The following AOAH variants were observed in gnomAD, a reference collection of about 807,000 sequenced individuals.
AOAH encodes acyloxyacyl hydrolase.
In AOAH, 64 loss-of-function variants were observed where a neutral mutation model predicts 92.2. That is an observed-to-expected ratio of 0.69 (90% confidence interval 0.57 to 0.86). The LOEUF (loss-of-function observed/expected upper bound fraction) is 0.86. Among genes scored for constraint, AOAH ranks in the 40% least tolerant of loss-of-function variants. The pLI is 0.00. For synonymous variants in AOAH, 263 were observed against 254.5 expected, an observed-to-expected ratio of 1.03 and a Z score of -0.32; for missense variants, 656 against 694.6, an observed-to-expected ratio of 0.94 and a Z score of 0.62.
intron 11 of AOAH, among the ~76,000 whole-genome samples, chr7:36,608,215 T>TATC (rs1791146870): frequency 6.6e-6 from 1 of 152,226 alleles, no homozygotes; most frequent in Non-Finnish European, 1.5e-5. Context: ...CCTATCCAGT[T>TATC]ATCTTAGTGG....
rs66510584 is a variant in AOAH at position 36,518,187 on chromosome 7, C to CT, written c.1599+3851dup. 7.9e-5 allele frequency among the ~76,000 whole-genome samples: 12 copies of CT among 151,476 alleles called. No individual in the cohort carries two copies. The South Asian group carries it at 2.3e-3, about 29-fold the overall frequency. Reference sequence around the variant, plus strand: ...TTTCTGTGTCACTAAAGGTAGATCTCTTTTTTTTGTTTTGTTTTGTTTGTT... The same window carrying CT: ...TTTCTGTGTCACTAAAGGTAGATCTCTTTTTTTTTGTTTTGTTTTGTTTGTT... On this transcript the variant is annotated intron_variant, in intron 20 of 20. Coordinates refer to ENST00000617537, the MANE Select transcript of AOAH (RefSeq NM_001637.4).
chr7:36,650,290 T>C (rs1431058292), intron 4 of AOAH, among the ~76,000 whole-genome samples: 1 of 152,200 alleles, frequency 6.6e-6, no homozygotes, highest in Non-Finnish European at 1.5e-5. Flanking sequence ...TCTCTGTCTT[T>C]CTAAGAGGCC....
At chr7:36,662,826 G>A (rs1177873950) in intron 3 of AOAH, among the ~76,000 whole-genome samples, 1 of 152,126 alleles carries the variant, frequency 6.6e-6, no homozygotes, top group Non-Finnish European at 1.5e-5. Flanking sequence ...AGTAGAAGAG[G>A]GGAACTGGAC....
rs117348917 is a variant in AOAH at position 36,625,625 on chromosome 7, C to T, written c.522-2375G>A. On this transcript the variant is annotated intron_variant, in intron 6 of 20. Coordinates refer to ENST00000617537, the MANE Select transcript of AOAH (RefSeq NM_001637.4). ...AAATTAGAAACGTTCTACTTGCTGA[C>T]TCCACACATCCACACTTACAGGAAA... is the stretch of plus-strand genomic sequence containing the variant. Among the ~76,000 whole-genome samples the T allele has an allele frequency of 1.5e-4, 23 of 152,308 alleles. No individual in the cohort carries two copies. The East Asian group carries it at 4.4e-3, about 29-fold the overall frequency.
At chr7:36,716,695 C>T (rs1017212164) in intron 1 of AOAH, among the ~76,000 whole-genome samples, 15 of 149,654 alleles carry the variant, frequency 1.0e-4, no homozygotes, top group African/African-American at 3.5e-4. Flanking sequence ...AAGCTGGAAA[C>T]CATCATCCTC....
intron 1 of AOAH, among the ~76,000 whole-genome samples, chr7:36,705,352 C>T (rs917737534): frequency 6.6e-6 from 1 of 151,610 alleles, no homozygotes; most frequent in Non-Finnish European, 1.5e-5. Flanking sequence ...AATAGACAAA[C>T]AGCCAAATCA....
At position 36,516,077 on chromosome 7, in the gene AOAH, C is replaced by T. The variant is rs1160848898; in HGVS notation, c.1600-2697G>A. ...CACCACACACTACACACACCACACG[C>T]CACATACACACCATACACACACCAC... On this transcript the variant is annotated intron_variant, in intron 20 of 20. Coordinates refer to ENST00000617537, the MANE Select transcript of AOAH (RefSeq NM_001637.4). This position sits in a 1 kb window ranked among gnomAD's most constrained non-coding sequence, Gnocchi z 5.0. Among the ~76,000 whole-genome samples, 1 of 147,192 alleles carries T rather than the reference C, an allele frequency of 6.8e-6. No individual in the cohort carries two copies. The highest frequency in any genetic ancestry group is 2.5e-5 in the African/African-American group (1 of 39,828).
At chr7:36,678,646 G>C (rs1358316134) in intron 2 of AOAH, among the ~76,000 whole-genome samples, 1 of 146,404 alleles carries the variant, frequency 6.8e-6, no homozygotes, top group Non-Finnish European at 1.5e-5. Context: ...AGTCAAAGAG[G>C]ATGGCTGCAG....
At chr7:36,719,767 C>A (rs1799500457) in intron 1 of AOAH, among the ~76,000 whole-genome samples, 1 of 151,940 alleles carries the variant, frequency 6.6e-6, no homozygotes, top group East Asian at 1.9e-4. Flanking sequence ...CCTGTCTCCA[C>A]GAAAATAAAA....
intron 13 of AOAH, among the ~76,000 whole-genome samples, chr7:36,565,845 G>C (rs1156811331): frequency 1.6e-4 from 25 of 152,024 alleles, no homozygotes; most frequent in Admixed American, 1.6e-3. Context: ...CTGGCCAAAT[G>C]TGAACATCTT....
intron 3 of AOAH, 89 bp downstream of exon 3, chr7:36,673,854 G>A: frequency 1.1e-6 from 1 of 882,816 alleles, no homozygotes; most frequent in South Asian, 1.5e-5. Context: ...AGCGCATCAT[G>A]CTGAACACAG....
In AOAH at chr7:36,724,131, T is replaced by C. The variant is rs1207416113; in HGVS notation, c.18A>G (p.Lys6=). The C allele has an allele frequency of 6.2e-7, 1 of 1,613,352 alleles. No individual in the cohort carries two copies. The change falls in exon 1 of 21, where the codon AAA becomes AAG. Residue 6 remains lysine (K), a synonymous_variant. Coordinates refer to ENST00000617537, the MANE Select transcript of AOAH (RefSeq NM_001637.4). ...AGAATAGAGGCGCCACCGTAAGGAT[T>C]TTCCAGGGGGACTGCATCTCCGAGC... The part of the protein sequence containing the change: MQSPW[K]ILTVAPLFLL...
chr7:36,673,836 G>T, intron 3 of AOAH, 107 bp downstream of exon 3: 1 of 734,994 alleles, frequency 1.4e-6, no homozygotes, highest in Non-Finnish European at 2.3e-6. Context: ...CTCGAGCCCT[G>T]TCCAGAAAGC....
chr7:36,709,544 C>T (rs1360520733), intron 1 of AOAH, among the ~76,000 whole-genome samples: 1 of 152,166 alleles, frequency 6.6e-6, no homozygotes, highest in Non-Finnish European at 1.5e-5. Context: ...GAATTTCTAA[C>T]ACCTTCATGC....
At chr7:36,544,189 C>T (rs1785631862) in intron 15 of AOAH, among the ~76,000 whole-genome samples, 1 of 152,086 alleles carries the variant, frequency 6.6e-6, no homozygotes, top group Admixed American at 6.6e-5. Flanking sequence ...TCGTGATCTG[C>T]CTGCCTCAGC....
At chr7:36,547,725 T>C (rs1042206947) in intron 15 of AOAH, among the ~76,000 whole-genome samples, 3 of 152,164 alleles carry the variant, frequency 2.0e-5, no homozygotes, top group Non-Finnish European at 2.9e-5. Flanking sequence ...ATCATATTCT[T>C]AGGGGTGTAC....
At chr7:36,517,236 C>CTCTCTCTCTTTCTTTCTGTG (rs1783826067) in intron 20 of AOAH, among the ~76,000 whole-genome samples, 1 of 56,740 alleles carries the variant, frequency 1.8e-5, no homozygotes. Context: ...GTCTCTCTCT[C>CTCTCTCTCTTTCTTTCTGTG]TCTCTCTCTT....
intron 9 of AOAH, among the ~76,000 whole-genome samples, chr7:36,620,369 A>G (rs1037187225): frequency 1.3e-5 from 2 of 151,998 alleles, no homozygotes; most frequent in African/African-American, 4.8e-5. Context: ...GTAAATACTG[A>G]GTAATTTCTG....
intron 16 of AOAH, among the ~76,000 whole-genome samples, chr7:36,534,499 C>T (rs1784887848): frequency 6.6e-6 from 1 of 152,154 alleles, no homozygotes; most frequent in Non-Finnish European, 1.5e-5. Flanking sequence ...AGGGTAGGGA[C>T]TCTGGGGCTG....
Sources: gnomAD v4.1 joint callset for allele counts (sites outside exome capture counted in the v4.1 genomes callset) on GRCh38, gnomAD v4.1.1 for gene constraint, Gnocchi (gnomAD v3.1) non-coding constraint, MANE v1.5 for transcripts, NCBI Gene and HGNC (gene_info 2026-07-23, HGNC 2026-07-21) for gene names.